Variants in KCND2 observed in about 807,000 individuals in gnomAD.
KCND2 encodes the protein potassium voltage-gated channel subfamily D member 2, also known as A-type voltage-gated potassium channel KCND2.
A neutral mutation model predicts 54.4 loss-of-function variants in KCND2; 16 were observed. The ratio of observed to expected loss-of-function variants is 0.29; its 90% CI spans 0.20 to 0.45. KCND2 has a LOEUF of 0.45. Ranked by LOEUF, KCND2 falls within the 20% of genes least tolerant of loss-of-function variation. The probability of loss-of-function intolerance (pLI) is 1.00; values close to 1 mark genes in which losing one functional copy is unlikely to be tolerated. For missense variants in KCND2, 486 were observed against 824.2 expected (o/e 0.59, Z 5.02); for synonymous variants, 317 against 310.7 (o/e 1.02, Z -0.21).
In KCND2 at chr7:120,747,855, G is replaced by T; in HGVS notation, c.1890G>T (p.Leu630Phe). The stretch of plus-strand genomic sequence containing the variant: ...GAAATATTGTCAGAGTTTCTGCTTT[G>T]TAAGACAATTGGAATAAGGTCTAAG... ...SGGNIVRVSA[L>F] The change falls in exon 6 of 6, where the codon TTG becomes TTT. Residue 630 changes from leucine to phenylalanine, a missense_variant. Transcript: ENST00000331113. 2.5e-6 allele frequency: 4 copies of T among 1,610,040 alleles called. No homozygotes were observed. Among genetic ancestry groups the T allele is most frequent in the Non-Finnish European group, 3.4e-6 (4 of 1,177,178 alleles).
intron 1 of KCND2, among the ~76,000 whole-genome samples, chr7:120,625,128 C>T (rs114732396): frequency 0.028 from 4,308 of 152,094 alleles, 169 homozygotes; most frequent in African/African-American, 0.09. Context: ...TATATAGCTG[C>T]CATAAAATTA....
chr7:120,359,865 G>A (rs1044487699), intron 1 of KCND2, among the ~76,000 whole-genome samples: 44 of 152,036 alleles, frequency 2.9e-4, no homozygotes, highest in Admixed American at 1.8e-3. Flanking sequence ...GGTTTTATAA[G>A]GCAGTTTTCC....
At chr7:120,421,250 C>T (rs1234571810) in intron 1 of KCND2, among the ~76,000 whole-genome samples, 1 of 152,140 alleles carries the variant, frequency 6.6e-6, no homozygotes, top group Non-Finnish European at 1.5e-5. Context: ...GTGTATTGAG[C>T]ATTGTTACCA....
intron 1 of KCND2, among the ~76,000 whole-genome samples, chr7:120,343,937 G>A (rs1467554900): frequency 1.2e-4 from 3 of 24,202 alleles, no homozygotes; most frequent in Non-Finnish European, 1.2e-3. Flanking sequence ...AGACATCACT[G>A]ATAGATCCAT....
intron 1 of KCND2, among the ~76,000 whole-genome samples, chr7:120,550,382 C>A (rs1362714891): frequency 1.3e-5 from 2 of 151,878 alleles, no homozygotes; most frequent in Non-Finnish European, 1.5e-5. Flanking sequence ...TATCTCTTAG[C>A]CCAGTGATCA....
At chr7:120,555,880 C>T (rs1327247146) in intron 1 of KCND2, among the ~76,000 whole-genome samples, 1 of 152,130 alleles carries the variant, frequency 6.6e-6, no homozygotes, top group Non-Finnish European at 1.5e-5. Flanking sequence ...GATATTTTCC[C>T]TGATGGACAG....
Position 120,395,747 on chromosome 7 carries a change from A to G in KCND2, c.1115+120000A>G, listed in dbSNP as rs183522204. 1.5e-4 allele frequency among the ~76,000 whole-genome samples: 23 copies of G among 152,146 alleles called. No individual in the cohort carries two copies. The East Asian group carries it at 4.3e-3, about 28-fold the overall frequency. The stretch of plus-strand genomic sequence containing the variant: ...CAGGCTGTTACCATGGCCCATTGCC[A>G]TGGCATTAGTAAACTGTCATGAGGC... On this transcript the variant is annotated intron_variant, in intron 1 of 5. Coordinates refer to ENST00000331113, the MANE Select transcript of KCND2 (RefSeq NM_012281.3).
chr7:120,534,784 G>A (rs958720766), intron 1 of KCND2, among the ~76,000 whole-genome samples: 2 of 152,154 alleles, frequency 1.3e-5, no homozygotes, highest in African/African-American at 2.4e-5. Context: ...TAAAAAAAAG[G>A]TTATTTAAAT....
At chr7:120,305,440 C>CGAGA (rs1271195963) in intron 1 of KCND2, among the ~76,000 whole-genome samples, 1 of 152,058 alleles carries the variant, frequency 6.6e-6, no homozygotes, top group Non-Finnish European at 1.5e-5. Context: ...TATCTTCAAC[C>CGAGA]GAGAGACAAT....
In KCND2 at chr7:120,273,591, G is replaced by C. The variant is rs927112771; in HGVS notation, c.-1042G>C. The C allele has an allele frequency of 3.3e-5, 5 of 152,930 alleles. No individual in the cohort carries two copies. The highest frequency in any genetic ancestry group is 1.2e-4 in the African/African-American group (5 of 41,474). The allele number at this position is 152,930 out of a possible 1,614,324, so 9.5% of individuals were successfully genotyped here. ...GGCTTTTGGAAGGTGAAAAGGAGGAGGGAGGCACGGAGGGATGGGGGAAGG... is the reference window on the plus strand; with the variant it reads ...GGCTTTTGGAAGGTGAAAAGGAGGACGGAGGCACGGAGGGATGGGGGAAGG... On this transcript the variant is annotated 5_prime_UTR_variant, in exon 1 of 6. Transcript: ENST00000331113.
chr7:120,713,030 T>A (rs979359373), intron 1 of KCND2, among the ~76,000 whole-genome samples: 5 of 152,194 alleles, frequency 3.3e-5, no homozygotes, highest in Admixed American at 6.5e-5. Context: ...CTGCAAGAAT[T>A]TAGCCTTGCT....
intron 1 of KCND2, among the ~76,000 whole-genome samples, chr7:120,691,290 AC>A (rs1584885423): frequency 6.6e-6 from 1 of 152,222 alleles, no homozygotes; most frequent in Non-Finnish European, 1.5e-5. Flanking sequence ...GCTAAACTAG[AC>A]TTGGAGAGAC....
intron 1 of KCND2, among the ~76,000 whole-genome samples, chr7:120,494,744 A>C (rs1399634061): frequency 6.6e-6 from 1 of 152,200 alleles, no homozygotes; most frequent in Non-Finnish European, 1.5e-5. Flanking sequence ...ATGGCATACT[A>C]TTTTATTTTT....
intron 1 of KCND2, among the ~76,000 whole-genome samples, chr7:120,546,029 CTTAAA>C (rs1026923993): frequency 7.9e-5 from 12 of 151,780 alleles, no homozygotes; most frequent in Admixed American, 3.3e-4. Flanking sequence ...GCTCAAGAAA[CTTAAA>C]TTAAAACCTG....
At chr7:120,717,043 C>T (rs1454361704) in intron 1 of KCND2, among the ~76,000 whole-genome samples, 4 of 151,974 alleles carry the variant, frequency 2.6e-5, no homozygotes, top group Non-Finnish European at 5.9e-5. Context: ...TTGTAGCAAA[C>T]ATGGTTTTTC....
At chr7:120,309,488 C>T (rs1237637495) in intron 1 of KCND2, among the ~76,000 whole-genome samples, 13 of 81,622 alleles carry the variant, frequency 1.6e-4, no homozygotes, top group East Asian at 1.4e-3. Context: ...CACACACACA[C>T]ACACACACAC....
chr7:120,708,925 A>C (rs1260537434), intron 1 of KCND2, among the ~76,000 whole-genome samples: 1 of 152,142 alleles, frequency 6.6e-6, no homozygotes, highest in African/African-American at 2.4e-5. Context: ...CTCTATATAC[A>C]CAGATTGGTT....
intron 1 of KCND2, among the ~76,000 whole-genome samples, chr7:120,613,390 G>A (rs1346637385): frequency 6.6e-6 from 1 of 152,134 alleles, no homozygotes; most frequent in Non-Finnish European, 1.5e-5. Context: ...CATTAGCTGG[G>A]TGTAGTGGCG....
At chr7:120,546,203 G>A (rs919941111) in intron 1 of KCND2, among the ~76,000 whole-genome samples, 15 of 151,894 alleles carry the variant, frequency 9.9e-5, no homozygotes, top group African/African-American at 3.1e-4. Flanking sequence ...CTTTACTTTT[G>A]AAAATCAAAT....
Sources: gnomAD v4.1 joint callset for allele counts (sites outside exome capture counted in the v4.1 genomes callset) on GRCh38, gnomAD v4.1.1 for gene constraint, MANE v1.5 for transcripts, NCBI Gene and HGNC (gene_info 2026-07-23, HGNC 2026-07-21) for gene names.